Variants in ZC3H14 observed in about 807,000 individuals in gnomAD.
ZC3H14 encodes zinc finger CCCH-type containing 14.
In ZC3H14, 31 loss-of-function variants were observed where a neutral mutation model predicts 92.4. That is an observed-to-expected ratio of 0.34 (90% CI 0.25 to 0.45). The LOEUF (loss-of-function observed/expected upper bound fraction) is 0.45, where lower values mean the gene tolerates loss of function less well. Among genes scored for constraint, ZC3H14 ranks in the 20% least tolerant of loss-of-function variants. The probability of loss-of-function intolerance (pLI) is 1.00; values close to 1 mark genes in which losing one functional copy is unlikely to be tolerated. For synonymous variants in ZC3H14, 321 were observed against 300.9 expected (o/e 1.07, Z -0.69); for missense variants, 781 against 897.3 (o/e 0.87, Z 1.66).
chr14:88,585,951 C>T (rs1366117908), intron 9 of ZC3H14, among the ~76,000 whole-genome samples: 1 of 152,052 alleles, frequency 6.6e-6, no homozygotes, highest in Non-Finnish European at 1.5e-5. Flanking sequence ...GGTGGATCAC[C>T]TGAGGTCAGG....
At position 88,616,977 on chromosome 14, in the gene ZC3H14, C is replaced by T. The variant is rs1595177698; in HGVS notation, c.*5226C>T. 7.1e-6 allele frequency: 8 copies of T among 1,129,760 alleles called. No individual in the cohort carries two copies. Among genetic ancestry groups the T allele is most frequent in the African/African-American group, 4.6e-5 (3 of 64,754 alleles). The allele number at this position is 1,129,760 out of a possible 1,614,324, so 70.0% of individuals were successfully genotyped here. A position where few individuals can be genotyped will look rare whatever the true frequency, so the allele number is the denominator to read the frequency against. The stretch of plus-strand genomic sequence containing the variant: ...GGCAATTAATCTCTAAGTACCCTAT[C>T]ATGTTACTTAAAATACAGGAAGTAA... On this transcript the variant is annotated 3_prime_UTR_variant, in exon 17 of 17. Transcript: ENST00000251038.
chr14:88,602,577 A>G (rs2084802252), intron 11 of ZC3H14, among the ~76,000 whole-genome samples: 1 of 152,204 alleles, frequency 6.6e-6, no homozygotes, highest in Non-Finnish European at 1.5e-5. Context: ...TGATGGGGTC[A>G]GGCTTGAGGG....
At chr14:88,578,781 G>GTTTTTTTTTTTTTTTTT (rs35101368) in intron 9 of ZC3H14, among the ~76,000 whole-genome samples, 1 of 76,816 alleles carries the variant, frequency 1.3e-5, no homozygotes, top group Non-Finnish European at 2.4e-5. Context: ...TTGCTTCCAG[G>GTTTTTTTTTTTTTTTTT]TTTTTTTTTT....
chr14:88,598,216 G>T (rs1309947757), intron 10 of ZC3H14, among the ~76,000 whole-genome samples: 1 of 152,028 alleles, frequency 6.6e-6, no homozygotes, highest in East Asian at 1.9e-4. Context: ...ATGAGTTGGG[G>T]CATGGGGCAC....
rs1410061574 is a variant in ZC3H14, at chr14:88,612,630, A to T, written c.*879A>T. On this transcript the variant is annotated 3_prime_UTR_variant, in exon 17 of 17. Coordinates refer to ENST00000251038, the MANE Select transcript of ZC3H14 (RefSeq NM_024824.5). ...AACATTCTCAGAATCCACAGAAAATATACTTAGTTACTACTGAAGATAATT... is the reference window on the plus strand; with the variant it reads ...AACATTCTCAGAATCCACAGAAAATTTACTTAGTTACTACTGAAGATAATT... The T allele has an allele frequency of 6.6e-6, 1 of 152,660 alleles. No homozygotes were observed. The highest frequency in any genetic ancestry group is 1.5e-5 in the Non-Finnish European group (1 of 68,052). The allele number at this position is 152,660 out of a possible 1,614,324, so 9.5% of individuals were successfully genotyped here. A position where few individuals can be genotyped will look rare whatever the true frequency, so the allele number is the denominator to read the frequency against.
intron 1 of ZC3H14, 33 bp from the exon 2 acceptor site, chr14:88,563,618 T>G (rs1232466203): frequency 6.2e-7 from 1 of 1,613,148 alleles, no homozygotes; most frequent in Non-Finnish European, 8.5e-7. Flanking sequence ...AGAGCCGCCT[T>G]TCTCACATGC....
intron 9 of ZC3H14, chr14:88,594,598 T>C: frequency 6.4e-7 from 1 of 1,574,668 alleles, no homozygotes; most frequent in South Asian, 1.2e-5. Flanking sequence ...TCTTAATACG[T>C]CTTAAGGTAA....
At chr14:88,583,014 C>T (rs188224296) in intron 9 of ZC3H14, among the ~76,000 whole-genome samples, 6 of 149,004 alleles carry the variant, frequency 4.0e-5, no homozygotes, top group Admixed American at 1.3e-4. Flanking sequence ...TGCCATCAGT[C>T]TGTCACTAGA....
In ZC3H14 at chr14:88,621,182, A is replaced by G; in HGVS notation, c.*9431A>G. On this transcript the variant is annotated 3_prime_UTR_variant, in exon 17 of 17. Coordinates refer to ENST00000251038, the MANE Select transcript of ZC3H14 (RefSeq NM_024824.5). ...CAGAAAGGAAAAAATCCCTGGAAGG[A>G]TGTGTTGCTAGTCCCCAGATTGGCC... 6.2e-7 allele frequency: 1 copy of G among 1,613,930 alleles called. No homozygotes were observed. Among genetic ancestry groups the G allele is most frequent in the Non-Finnish European group, 8.5e-7 (1 of 1,179,852 alleles).
At chr14:88,594,888 A>G (rs1336047878) in intron 9 of ZC3H14, 6 of 1,614,084 alleles carry the variant, frequency 3.7e-6, no homozygotes, top group Non-Finnish European at 5.1e-6. Context: ...ATGAAATTAA[A>G]GGAATGAAAG....
chr14:88,622,468 CAG>C lies in ZC3H14; in HGVS notation c.*10720_*10721del, dbSNP rs1410407690. ...ACTTTGGCAAAGAAAGCAGCAAAGACAGAGTAATGTTGGCAAGCAAATCCATC... is the reference window on the plus strand; with the variant it reads ...ACTTTGGCAAAGAAAGCAGCAAAGACAGTAATGTTGGCAAGCAAATCCATC... On this transcript the variant is annotated 3_prime_UTR_variant, in exon 17 of 17. Transcript: ENST00000251038. 48 of 641,716 alleles carry C rather than the reference CAG, an allele frequency of 7.5e-5. No individual in the cohort carries two copies. The highest frequency in any genetic ancestry group is 5.4e-4 in the Middle Eastern group (2 of 3,710). 39.8% of individuals were successfully genotyped at this position (641,716 alleles called of 1,614,324 possible).
intron 9 of ZC3H14, chr14:88,586,760 AAAAG>A (rs1477550902): frequency 3.9e-5 from 6 of 152,240 alleles, no homozygotes; most frequent in Non-Finnish European, 2.9e-5. Context: ...AAAATCTGGA[AAAAG>A]AAAGCATATC....
At chr14:88,607,560 C>G (rs370397394) in intron 13 of ZC3H14, among the ~76,000 whole-genome samples, 197 bp downstream of exon 13, 32 of 142,332 alleles carry the variant, frequency 2.2e-4, no homozygotes, top group African/African-American at 7.4e-4. Flanking sequence ...CTGCAAGTAC[C>G]ATCCCCCATC....
At position 88,610,050 on chromosome 14, in the gene ZC3H14, A is replaced by G. The variant is rs114010628; in HGVS notation, c.2097+247A>G. On this transcript the variant is annotated intron_variant, in intron 15 of 16. Transcript: ENST00000251038. The stretch of plus-strand genomic sequence containing the variant: ...CATATCTTTGCTAGTCACATTTTCC[A>G]TTATTCCCTGCATTTAAGTATATGG... Among the ~76,000 whole-genome samples the G allele has an allele frequency of 8.7e-3, 1,325 of 152,136 alleles. 18 individuals are homozygous for G. Among genetic ancestry groups the G allele is most frequent in the African/African-American group, 0.031 (1,271 of 41,498 alleles).
intron 1 of ZC3H14, 76 bp downstream of exon 1, chr14:88,563,245 G>C (rs752229281): frequency 6.4e-7 from 1 of 1,555,384 alleles, no homozygotes; most frequent in Non-Finnish European, 8.7e-7. Context: ...CGGGGACTGT[G>C]GGCCCGGGTG....
rs532013960 is a variant in ZC3H14, at chr14:88,623,868, A to G, written c.*12117A>G. 2 of 152,276 alleles carry G rather than the reference A, an allele frequency of 1.3e-5. No individual in the cohort carries two copies. The highest frequency in any genetic ancestry group is 1.9e-4 in the East Asian group (1 of 5,174). The allele number at this position is 152,276 out of a possible 1,614,324, so 9.4% of individuals were successfully genotyped here. ...AGTGTTGGAGGACGAAATAGAGCCC[A>G]TTTATGGATTTTATTCCTGGAAGGG... On this transcript the variant is annotated 3_prime_UTR_variant, in exon 17 of 17. Coordinates refer to ENST00000251038, the MANE Select transcript of ZC3H14 (RefSeq NM_024824.5).
intron 15 of ZC3H14, among the ~76,000 whole-genome samples, chr14:88,610,226 C>G (rs1271927976): frequency 6.6e-6 from 1 of 152,164 alleles, no homozygotes; most frequent in Non-Finnish European, 1.5e-5. Flanking sequence ...TGAATTATCT[C>G]CTTCTTGCCC....
rs2088181085 is a variant in ZC3H14, at chr14:88,618,574, C to T, written c.*6823C>T. 2 of 1,498,126 alleles carry T rather than the reference C, an allele frequency of 1.3e-6. No homozygotes were observed. Among genetic ancestry groups the T allele is most frequent in the East Asian group, 2.3e-5 (1 of 42,938 alleles). 92.8% of individuals were successfully genotyped at this position (1,498,126 alleles called of 1,614,324 possible). ...AAGCTGGAGCTCTGGAGCTCAGGAA[C>T]TTTAAATGCATTCACTAACACGAAA... On this transcript the variant is annotated 3_prime_UTR_variant, in exon 17 of 17. Transcript: ENST00000251038.
chr14:88,565,723 T>G (rs1238018930), intron 2 of ZC3H14, among the ~76,000 whole-genome samples: 1 of 152,102 alleles, frequency 6.6e-6, no homozygotes, highest in Non-Finnish European at 1.5e-5. Flanking sequence ...CACAGAAGAA[T>G]ATCCACCTTA....
Sources: allele counts gnomAD v4.1 joint callset (sites outside exome capture counted in the v4.1 genomes callset), GRCh38; gene constraint gnomAD v4.1.1; transcripts MANE v1.5; gene names NCBI Gene and HGNC (gene_info 2026-07-23, HGNC 2026-07-21).